SLC19A1: variants seen among roughly 807,000 people sequenced by gnomAD.
SLC19A1 encodes reduced folate transporter.
A neutral mutation model predicts 35.3 loss-of-function variants in SLC19A1; 37 were observed. The observed-to-expected ratio is 1.05, with a 90% confidence interval of 0.81 to 1.38. The LOEUF is 1.38. Among genes scored for constraint, SLC19A1 ranks in the 40% most tolerant of loss-of-function variants. The pLI is 0.00. For synonymous variants in SLC19A1, 460 were observed against 398.5 expected (o/e 1.15, Z -1.84); for missense variants, 831 against 826.9 (o/e 1.00, Z -0.06).
At chr21:45,558,302 C>CTGCAGCCT (rs2078583248) in intron 1 of SLC19A1, among the ~76,000 whole-genome samples, 1 of 152,266 alleles carries the variant, frequency 6.6e-6, no homozygotes, top group Non-Finnish European at 1.5e-5. Context: ...AGCTGGGACT[C>CTGCAGCCT]GGACATGCTG....
intron 3 of SLC19A1, chr21:45,503,834 T>C (rs1042093506): frequency 2.3e-6 from 1 of 444,292 alleles, no homozygotes; most frequent in Non-Finnish European, 4.0e-6. Flanking sequence ...AAAGGCACCA[T>C]TAACAAAAAC....
At chr21:45,559,688 C>A (rs1184578128) in intron 1 of SLC19A1, among the ~76,000 whole-genome samples, 1 of 152,170 alleles carries the variant, frequency 6.6e-6, no homozygotes, top group South Asian at 2.1e-4. Flanking sequence ...CTTACTGGCT[C>A]GGAGGTGGTT....
At chr21:45,553,617 C>A (rs1181634923) in intron 1 of SLC19A1, among the ~76,000 whole-genome samples, 3 of 129,844 alleles carry the variant, frequency 2.3e-5, no homozygotes, top group Non-Finnish European at 3.3e-5. Context: ...GACACACTCA[C>A]CCCCAATCCC....
At chr21:45,504,520 AGGC>A (rs2037066445) in intron 3 of SLC19A1, 11 of 18,070 alleles carry the variant, frequency 6.1e-4, no homozygotes, top group Non-Finnish European at 6.4e-4. Context: ...CCGGCCCCCC[AGGC>A]CCCCCAGGCC....
rs753983096 is a variant in SLC19A1 at position 45,516,085 on chromosome 21, G to A, written c.1349C>T (p.Ala450Val). The A allele has an allele frequency of 5.0e-6, 8 of 1,601,928 alleles. No individual in the cohort carries two copies. The highest frequency in any genetic ancestry group is 6.8e-6 in the Non-Finnish European group (8 of 1,175,812). Residue 450 changes from alanine to valine, a missense_variant, in exon 6 of 6, where the codon GCC (alanine) becomes GTC (valine). Ala to Val is a moderately conservative substitution (Grantham distance 64). Coordinates refer to ENST00000311124, the MANE Select transcript of SLC19A1 (RefSeq NM_194255.4). ...LILSIIYFLG[A>V]MLDGLRHCQR... ...GCAGTGCCGCAGGCCATCCAGCATG[G>A]CCCCCAAGAAGTAGATGATGGACAG...
chr21:45,527,457 G>T (rs1450945189), intron 4 of SLC19A1, among the ~76,000 whole-genome samples: 1 of 143,180 alleles, frequency 7.0e-6, no homozygotes, highest in East Asian at 2.1e-4. Context: ...TGGCAGCCAG[G>T]CAGGGCGGGC....
intron 4 of SLC19A1, 94 bp from the exon 5 acceptor site, chr21:45,526,052 C>A: frequency 7.0e-7 from 1 of 1,420,244 alleles, no homozygotes; most frequent in Non-Finnish European, 9.6e-7. Context: ...CAGCCCATGA[C>A]CCGCCCGGCA....
Position 45,515,113 on chromosome 21 carries a change from T to G in SLC19A1, c.*545A>C, listed in dbSNP as rs772257942. 24 of 1,542,116 alleles carry G rather than the reference T, an allele frequency of 1.6e-5. No individual in the cohort carries two copies. The South Asian group carries it at 2.9e-4, about 19-fold the overall frequency. ...GTGTCTGCCGCCAACCTGAGATGGC[T>G]TTTCCACAGAGACAGAGAAGCCACA... On this transcript the variant is annotated 3_prime_UTR_variant, in exon 6 of 6. Transcript: ENST00000311124.
chr21:45,507,438 G>C (rs2037280748), intron 3 of SLC19A1: 1 of 891,370 alleles, frequency 1.1e-6, no homozygotes, highest in East Asian at 2.6e-5. Flanking sequence ...TGGGCAGGGA[G>C]GGCACCCTCC....
At chr21:45,541,271 C>A (rs1041216662) in intron 1 of SLC19A1, among the ~76,000 whole-genome samples, 3 of 152,246 alleles carry the variant, frequency 2.0e-5, no homozygotes, top group Admixed American at 6.5e-5. Flanking sequence ...GGCACCCAGG[C>A]AAAGGCGGCC....
intron 1 of SLC19A1, among the ~76,000 whole-genome samples, chr21:45,539,349 G>A (rs895531499): frequency 1.2e-4 from 18 of 152,246 alleles, no homozygotes; most frequent in African/African-American, 3.6e-4. Context: ...GAGGGCAGCT[G>A]AGCAGCCTTG....
At chr21:45,561,914 C>G (rs1401551542) in intron 1 of SLC19A1, among the ~76,000 whole-genome samples, 2 of 151,802 alleles carry the variant, frequency 1.3e-5, no homozygotes, top group African/African-American at 4.8e-5. Context: ...GGGCAGACCA[C>G]AAGGTTAGGA....
intron 3 of SLC19A1, chr21:45,505,163 G>A: frequency 1.2e-6 from 2 of 1,608,116 alleles, no homozygotes; most frequent in African/African-American, 1.3e-5. Context: ...TCCGGGGCCA[G>A]CCCGGCCCAC....
In SLC19A1 at chr21:45,515,182, T is replaced by C; in HGVS notation, c.*476A>G. On this transcript the variant is annotated 3_prime_UTR_variant, in exon 6 of 6. Transcript: ENST00000311124. ...GTCAGTTAAAAAAAAAAAAAGCATC[T>C]TTCAAAAAAGCAAGAGCACCAAGGA... 6.6e-7 allele frequency: 1 copy of C among 1,520,442 alleles called. No homozygotes were observed. Among genetic ancestry groups the C allele is most frequent in the Non-Finnish European group, 8.8e-7 (1 of 1,139,342 alleles). 94.2% of individuals were successfully genotyped at this position (1,520,442 alleles called of 1,614,324 possible). A position where few individuals can be genotyped will look rare whatever the true frequency, so the allele number is the denominator to read the frequency against.
At chr21:45,561,779 T>A (rs1428896230) in intron 1 of SLC19A1, among the ~76,000 whole-genome samples, 1 of 150,654 alleles carries the variant, frequency 6.6e-6, no homozygotes, top group Non-Finnish European at 1.5e-5. Context: ...AATAAATAAA[T>A]AATAAATAAT....
At chr21:45,512,306 G>C (rs374822514), downstream of SLC19A1, 1 of 1,612,470 alleles carries the variant, frequency 6.2e-7, no homozygotes. Flanking sequence ...CTCGCTGCTG[G>C]GGGGCAGGCT....
upstream of SLC19A1, among the ~76,000 whole-genome samples, chr21:45,549,286 G>A (rs2078442198): frequency 1.3e-5 from 2 of 152,106 alleles, no homozygotes; most frequent in Admixed American, 1.3e-4. Flanking sequence ...AGGGGAGGGA[G>A]GCTCCGTCCT....
rs529475108 is a variant in SLC19A1, at chr21:45,514,993, C to T, written c.*665G>A. On this transcript the variant is annotated 3_prime_UTR_variant, in exon 6 of 6. Transcript: ENST00000311124. ...CCCGCAGGTCAGGATGGACACACTT[C>T]AGAAGGACAGACAGGACCATGGAGG... 182 of 1,519,354 alleles carry T rather than the reference C, an allele frequency of 1.2e-4. 2 individuals carry two copies. The South Asian group carries it at 1.9e-3, about 16-fold the overall frequency. The allele number at this position is 1,519,354 out of a possible 1,614,324, so 94.1% of individuals were successfully genotyped here. A position where few individuals can be genotyped will look rare whatever the true frequency, so the allele number is the denominator to read the frequency against.
At chr21:45,509,682 GC>G (rs1359088867), downstream of SLC19A1, 3 of 825,432 alleles carry the variant, frequency 3.6e-6, no homozygotes, top group Non-Finnish European at 6.0e-6. Context: ...CCCCTGCAGA[GC>G]TGCTGGGGGT....
Sources: gnomAD v4.1 joint callset for allele counts (sites outside exome capture counted in the v4.1 genomes callset) on GRCh38, gnomAD v4.1.1 for gene constraint, MANE v1.5 for transcripts, NCBI Gene and HGNC (gene_info 2026-07-23, HGNC 2026-07-21) for gene names.